The following GALNTL6 variants were observed in gnomAD, a reference collection of about 807,000 sequenced individuals.
The protein encoded by GALNTL6 is polypeptide N-acetylgalactosaminyltransferase like 6.
GALNTL6 carries 46 observed loss-of-function variants against 73.7 expected under a neutral mutation model. The ratio of observed to expected loss-of-function variants is 0.62; its 90% CI spans 0.49 to 0.80. The LOEUF is 0.80. GALNTL6 is among the 30% of genes least tolerant of loss of function. The pLI, the probability that GALNTL6 is intolerant of heterozygous loss-of-function variation, is 0.00. For missense variants in GALNTL6, 604 were observed against 755.0 expected (o/e 0.80, Z 2.34); for synonymous variants, 259 against 263.7 (o/e 0.98, Z 0.17).
chr4:172,454,676 C>G (rs1732327264), intron 5 of GALNTL6, among the ~76,000 whole-genome samples: 1 of 152,188 alleles, frequency 6.6e-6, no homozygotes, highest in Non-Finnish European at 1.5e-5. Context: ...TGTCTCAACT[C>G]CTGGTATCAA....
intron 5 of GALNTL6, among the ~76,000 whole-genome samples, chr4:172,482,476 A>T (rs573281971): frequency 6.6e-6 from 1 of 152,358 alleles, no homozygotes; most frequent in Non-Finnish European, 1.5e-5. Flanking sequence ...TTACAAATTG[A>T]TGGGAAGAGT....
intron 3 of GALNTL6, among the ~76,000 whole-genome samples, chr4:172,246,707 T>C (rs1737672346): frequency 6.6e-6 from 1 of 151,606 alleles, no homozygotes; most frequent in Non-Finnish European, 1.5e-5. Context: ...AAAAACTCTA[T>C]GAGGCGTAAA....
At chr4:173,022,729 C>CA (rs1753067082) in intron 12 of GALNTL6, among the ~76,000 whole-genome samples, 1 of 152,002 alleles carries the variant, frequency 6.6e-6, no homozygotes, top group African/African-American at 2.4e-5. Context: ...TTAAAAGTTT[C>CA]AAAAATTATA....
intron 5 of GALNTL6, among the ~76,000 whole-genome samples, chr4:172,522,680 A>G (rs59620798): frequency 0.027 from 237 of 8,936 alleles, 1 homozygote; most frequent in African/African-American, 0.11. Context: ...CCCCCCCCCA[A>G]AAAAAAAGTG....
chr4:172,924,475 G>C (rs1345825120), intron 8 of GALNTL6, among the ~76,000 whole-genome samples: 1 of 152,204 alleles, frequency 6.6e-6, no homozygotes, highest in African/African-American at 2.4e-5. Context: ...CGAAGTATAT[G>C]AAAGAGAAGC....
At chr4:172,781,011 G>C (rs1366099168) in intron 5 of GALNTL6, among the ~76,000 whole-genome samples, 1 of 152,208 alleles carries the variant, frequency 6.6e-6, no homozygotes, top group African/African-American at 2.4e-5. Context: ...AGGAAGACAG[G>C]TAAGAGGAGA....
In GALNTL6 at chr4:172,241,108, G is replaced by A. The variant is rs990198358; in HGVS notation, c.247+11344G>A. 5.3e-5 allele frequency among the ~76,000 whole-genome samples: 8 copies of A among 152,264 alleles called. No homozygotes were observed. The South Asian group carries it at 6.2e-4, about 12-fold the overall frequency. On this transcript the variant is annotated intron_variant, in intron 3 of 12. Coordinates refer to ENST00000506823, the MANE Select transcript of GALNTL6 (RefSeq NM_001034845.3). Reference sequence around the variant, plus strand: ...CCTTGGTTTTACAGGGTGTAAGTTAGCAAAATATTTTTGCTATTGAAGTTT... The same window carrying A: ...CCTTGGTTTTACAGGGTGTAAGTTAACAAAATATTTTTGCTATTGAAGTTT...
chr4:172,211,199 C>T (rs1317109675), intron 2 of GALNTL6, among the ~76,000 whole-genome samples: 2 of 152,180 alleles, frequency 1.3e-5, no homozygotes, highest in Admixed American at 6.5e-5. Context: ...ATATAATCAA[C>T]CATTTCCCCA....
rs1393121673 is a variant in GALNTL6 at position 171,905,851 on chromosome 4, G to A, written c.138+91133G>A. ...AGGATTAAGAATCTCACTCAAAACC[G>A]CTCAACTACATGGAAACTGAACAAC... On this transcript the variant is annotated intron_variant, in intron 2 of 12. Coordinates refer to ENST00000506823, the MANE Select transcript of GALNTL6 (RefSeq NM_001034845.3). Among the ~76,000 whole-genome samples the A allele has an allele frequency of 2.5e-4, 38 of 150,986 alleles. 1 individual carries two copies. In the Middle Eastern group the frequency reaches 0.017, roughly 69 times the overall value.
intron 2 of GALNTL6, among the ~76,000 whole-genome samples, chr4:172,145,251 T>C (rs2110747535): frequency 6.6e-6 from 1 of 152,188 alleles, no homozygotes; most frequent in South Asian, 2.1e-4. Context: ...GCCATTCTCC[T>C]GCCTCAGCCT....
intron 3 of GALNTL6, among the ~76,000 whole-genome samples, chr4:172,278,219 T>A (rs547337488): frequency 6.6e-6 from 1 of 152,338 alleles, no homozygotes; most frequent in East Asian, 1.9e-4. Context: ...TTTAAGTTTT[T>A]TAAGTTGAGC....
chr4:172,360,840 A>G (rs1003764436), intron 5 of GALNTL6, among the ~76,000 whole-genome samples: 3 of 152,206 alleles, frequency 2.0e-5, no homozygotes, highest in Non-Finnish European at 1.5e-5. Flanking sequence ...TTTTCATTAT[A>G]TCAGACTTTC....
chr4:172,962,125 G>T (rs1313698379), intron 10 of GALNTL6, among the ~76,000 whole-genome samples: 2 of 152,170 alleles, frequency 1.3e-5, no homozygotes, highest in Admixed American at 6.5e-5. Flanking sequence ...CAGTGGGGGA[G>T]CTTTTGAGCC....
rs939399179 is a variant in GALNTL6 at position 171,989,836 on chromosome 4, G to A, written c.138+175118G>A. On this transcript the variant is annotated intron_variant, in intron 2 of 12. Transcript: ENST00000506823. ...TGTAAAGCATCTCAGGGTTGCTGCC[G>A]AACGAGCCATGAACTGGGCTGGGTT... is the stretch of plus-strand genomic sequence containing the variant. Among the ~76,000 whole-genome samples the A allele has an allele frequency of 7.2e-5, 11 of 152,158 alleles. No homozygotes were observed. The East Asian group carries it at 1.3e-3, about 19-fold the overall frequency.
chr4:171,982,292 TTTGTTTG>T (rs372399086), intron 2 of GALNTL6, among the ~76,000 whole-genome samples: 3,720 of 113,970 alleles, frequency 0.033, 159 homozygotes, highest in African/African-American at 0.091. Context: ...AAGTATTTTG[TTTGTTTG>T]TTGTTTGTTT....
chr4:172,379,992 CAGG>C, intron 5 of GALNTL6: 4 of 855,224 alleles, frequency 4.7e-6, no homozygotes, highest in East Asian at 2.5e-5. Context: ...CTTGGCAGAA[CAGG>C]AGAAGTGATG....
intron 2 of GALNTL6, among the ~76,000 whole-genome samples, chr4:171,954,139 G>A (rs1738974586): frequency 6.6e-6 from 1 of 152,090 alleles, no homozygotes; most frequent in Non-Finnish European, 1.5e-5. Flanking sequence ...AATTTATGTA[G>A]CCTTATTTTG....
intron 5 of GALNTL6, among the ~76,000 whole-genome samples, chr4:172,595,436 G>A (rs1250943093): frequency 6.6e-6 from 1 of 152,090 alleles, no homozygotes; most frequent in Non-Finnish European, 1.5e-5. Context: ...CACATGAATA[G>A]AAGCTATTGA....
At chr4:172,269,415 G>C (rs1202445945) in intron 3 of GALNTL6, among the ~76,000 whole-genome samples, 1 of 152,196 alleles carries the variant, frequency 6.6e-6, no homozygotes, top group East Asian at 1.9e-4. Flanking sequence ...GATGCTGAAA[G>C]AATAGATGGC....
Sources: allele counts gnomAD v4.1 joint callset (sites outside exome capture counted in the v4.1 genomes callset), GRCh38; gene constraint gnomAD v4.1.1; transcripts MANE v1.5; gene names NCBI Gene and HGNC (gene_info 2026-07-23, HGNC 2026-07-21).